The following PTPRD variants were observed in gnomAD, a reference collection of about 807,000 sequenced individuals.
The protein encoded by PTPRD is receptor-type tyrosine-protein phosphatase delta.
In PTPRD, 34 loss-of-function variants were observed where a neutral mutation model predicts 214.5. The observed-to-expected ratio is 0.16, with a 90% CI of 0.12 to 0.21. The LOEUF (loss-of-function observed/expected upper bound fraction) is 0.21, where lower values mean the gene tolerates loss of function less well. Ranked by LOEUF, PTPRD falls within the 10% of genes least tolerant of loss-of-function variation. PTPRD has a pLI of 1.00. For missense variants in PTPRD, 2,545 were observed against 2,398.7 expected, an observed-to-expected ratio of 1.06 and a Z score of -1.27; for synonymous variants, 1,128 against 845.7, an observed-to-expected ratio of 1.33 and a Z score of -5.79.
intron 7 of PTPRD, among the ~76,000 whole-genome samples, chr9:9,711,027 G>A (rs1002762663): frequency 5.9e-5 from 9 of 151,992 alleles, no homozygotes; most frequent in African/African-American, 1.5e-4. Flanking sequence ...TGTGCCCTAC[G>A]ATGGAATGGC....
At chr9:9,819,962 A>G (rs1410168867) in intron 5 of PTPRD, among the ~76,000 whole-genome samples, 1 of 152,148 alleles carries the variant, frequency 6.6e-6, no homozygotes, top group East Asian at 1.9e-4. Context: ...AAATGCGAGT[A>G]CGTGTCTTTT....
At chr9:9,949,868 G>A (rs569176790) in intron 4 of PTPRD, among the ~76,000 whole-genome samples, 9 of 152,206 alleles carry the variant, frequency 5.9e-5, no homozygotes, top group East Asian at 3.9e-4. Context: ...TTTGATGACC[G>A]CATTGAGTTA....
intron 10 of PTPRD, among the ~76,000 whole-genome samples, chr9:9,088,828 C>A (rs2099771422): frequency 6.6e-6 from 1 of 152,082 alleles, no homozygotes; most frequent in Non-Finnish European, 1.5e-5. Flanking sequence ...GACCCTGTCA[C>A]TTCATAGCTA....
At chr9:9,492,530 C>T (rs1417377422) in intron 8 of PTPRD, among the ~76,000 whole-genome samples, 2 of 151,968 alleles carry the variant, frequency 1.3e-5, no homozygotes, top group Admixed American at 1.3e-4. Context: ...ATGTAATATA[C>T]CACCTTAACA....
At chr9:9,419,155 AC>A (rs2077911451) in intron 8 of PTPRD, among the ~76,000 whole-genome samples, 1 of 151,076 alleles carries the variant, frequency 6.6e-6, no homozygotes, top group African/African-American at 2.4e-5. Flanking sequence ...ACACACACAC[AC>A]ACACACACAA....
Position 10,288,982 on chromosome 9 carries a change from C to G in PTPRD, c.-545+51981G>C, listed in dbSNP as rs185465059. ...TTGGGAGTATAAGATGTAGAATAAC[C>G]AAGACAAAGCTCCCTAACTTACTCC... On this transcript the variant is annotated intron_variant, in intron 3 of 45. Transcript: ENST00000381196. Among the ~76,000 whole-genome samples the G allele has an allele frequency of 7.9e-5, 12 of 151,264 alleles. No individual in the cohort carries two copies. In the East Asian group the frequency reaches 2.3e-3, roughly 29 times the overall value.
chr9:8,411,242 T>C (rs1352384044), intron 35 of PTPRD, among the ~76,000 whole-genome samples: 1 of 152,074 alleles, frequency 6.6e-6, no homozygotes, highest in African/African-American at 2.4e-5. Flanking sequence ...AACTTTAAGA[T>C]TAAAGATTTA....
intron 14 of PTPRD, among the ~76,000 whole-genome samples, chr9:8,572,820 G>T (rs149959175): frequency 2.0e-5 from 3 of 151,714 alleles, no homozygotes; most frequent in Non-Finnish European, 4.4e-5. Context: ...ATATTACTGT[G>T]TATACTTGGT....
At chr9:8,339,852 CT>C (rs1338375945) in intron 42 of PTPRD, among the ~76,000 whole-genome samples, 3 of 147,402 alleles carry the variant, frequency 2.0e-5, no homozygotes, top group East Asian at 2.0e-4. Context: ...AAACAAACCA[CT>C]TTTTTCAAAA....
intron 5 of PTPRD, among the ~76,000 whole-genome samples, chr9:9,801,069 AG>A (rs1313043213): frequency 6.6e-6 from 1 of 152,182 alleles, no homozygotes; most frequent in Non-Finnish European, 1.5e-5. Flanking sequence ...GCATTTGAGA[AG>A]GAAAAAAGAA....
chr9:8,455,909 G>C (rs866668632), intron 33 of PTPRD, among the ~76,000 whole-genome samples: 21 of 152,216 alleles, frequency 1.4e-4, no homozygotes, highest in African/African-American at 4.6e-4. Context: ...CAAATTCATA[G>C]TTCCAGATAA....
At chr9:9,744,135 C>T (rs2098435766) in intron 6 of PTPRD, among the ~76,000 whole-genome samples, 1 of 152,218 alleles carries the variant, frequency 6.6e-6, no homozygotes, top group Admixed American at 6.5e-5. Context: ...GGAATTTTAA[C>T]TCACTTGAGG....
rs373774067 is a variant in PTPRD, at chr9:8,486,285, G to T, written c.2532C>A (p.His844Gln). 2 of 1,614,158 alleles carry T rather than the reference G, an allele frequency of 1.2e-6. No homozygotes were observed. Among genetic ancestry groups the T allele is most frequent in the East Asian group, 4.5e-5 (2 of 44,884 alleles). ...TQMNTALIQW[H>Q]PPVDTFGPLQ... is the part of the protein sequence containing the mutation. ...GAGGTCCAAATGTGTCCACCGGAGG[G>T]TGCCACTGAATAAGAGCAGTATTCA... The change falls in exon 28 of 46, where the codon CAC becomes CAA. Residue 844 changes from histidine to glutamine, a missense_variant. By Grantham distance (24) the His-to-Gln change is conservative. Coordinates refer to ENST00000381196, the MANE Select transcript of PTPRD (RefSeq NM_002839.4).
intron 12 of PTPRD, among the ~76,000 whole-genome samples, chr9:8,715,057 G>A (rs2098416587): frequency 6.6e-6 from 1 of 150,876 alleles, no homozygotes; most frequent in Non-Finnish European, 1.5e-5. Flanking sequence ...CATTCAAGAA[G>A]AAAGAGAGAA....
At chr9:8,930,376 G>A (rs529020566) in intron 11 of PTPRD, among the ~76,000 whole-genome samples, 60 of 152,162 alleles carry the variant, frequency 3.9e-4, no homozygotes, top group African/African-American at 1.4e-3. Flanking sequence ...GGACATCTGG[G>A]TTGGTTCCAA....
intron 8 of PTPRD, among the ~76,000 whole-genome samples, chr9:9,400,476 C>T (rs745929009): frequency 2.8e-4 from 42 of 151,928 alleles, no homozygotes; most frequent in Admixed American, 9.8e-4. Context: ...TTTTCAATGA[C>T]GTATAATTGT....
At chr9:9,475,650 C>G in intron 8 of PTPRD, among the ~76,000 whole-genome samples, 1 of 152,126 alleles carries the variant, frequency 6.6e-6, no homozygotes. Context: ...ATCATGTCAC[C>G]TCATTTTCAC....
chr9:9,094,681 C>A (rs67615460), intron 10 of PTPRD, among the ~76,000 whole-genome samples: 1 of 151,892 alleles, frequency 6.6e-6, no homozygotes. Flanking sequence ...GAATAAAAAA[C>A]TAAAATAAAG....
intron 2 of PTPRD, among the ~76,000 whole-genome samples, chr9:10,577,494 C>A (rs1026866122): frequency 6.6e-6 from 1 of 152,202 alleles, no homozygotes; most frequent in African/African-American, 2.4e-5. Context: ...GTATTTATCA[C>A]TCTGTTCTCC....
Sources: gnomAD v4.1 joint callset for allele counts (sites outside exome capture counted in the v4.1 genomes callset) on GRCh38, gnomAD v4.1.1 for gene constraint, MANE v1.5 for transcripts, NCBI Gene and HGNC (gene_info 2026-07-23, HGNC 2026-07-21) for gene names.